PRKCA: variants seen among roughly 807,000 people sequenced by gnomAD.
PRKCA encodes the protein protein kinase C alpha type.
PRKCA carries 27 observed loss-of-function variants against 87.0 expected under a neutral mutation model. That is an observed-to-expected ratio of 0.31 (90% CI 0.23 to 0.43). The LOEUF is 0.43. PRKCA is among the 20% of genes least tolerant of loss of function. The pLI is 1.00. For missense variants in PRKCA, 518 were observed against 852.3 expected (o/e 0.61, Z 4.88); for synonymous variants, 329 against 311.1 (o/e 1.06, Z -0.61).
intron 2 of PRKCA, among the ~76,000 whole-genome samples, chr17:66,404,324 A>C (rs1010024069): frequency 6.6e-6 from 1 of 152,160 alleles, no homozygotes. Flanking sequence ...AGGAACGTCA[A>C]ATTTCAAATA....
In PRKCA at chr17:66,429,095, C is replaced by T. The variant is rs530370514; in HGVS notation, c.206-67106C>T. On this transcript the variant is annotated intron_variant, in intron 2 of 16. Coordinates refer to ENST00000413366, the MANE Select transcript of PRKCA (RefSeq NM_002737.3). ...GTGGTAGTTTTTCACGCTCTTCCGC[C>T]AGATCCAAACTTCTTGAGAGTGTGG... Among the ~76,000 whole-genome samples the T allele has an allele frequency of 7.2e-5, 11 of 152,092 alleles. No individual in the cohort carries two copies. In the South Asian group the frequency reaches 2.3e-3, roughly 32 times the overall value.
intron 3 of PRKCA, among the ~76,000 whole-genome samples, chr17:66,611,257 C>CAGTTG (rs1970355602): frequency 2.0e-5 from 3 of 152,104 alleles, no homozygotes; most frequent in African/African-American, 7.2e-5. Flanking sequence ...TTGTGTATGC[C>CAGTTG]TAGAGTTGTA....
At chr17:66,391,551 G>T (rs1036074699) in intron 2 of PRKCA, among the ~76,000 whole-genome samples, 4 of 152,120 alleles carry the variant, frequency 2.6e-5, no homozygotes, top group African/African-American at 9.7e-5. Flanking sequence ...ACACTTATTG[G>T]ATAAGAAGTT....
intron 5 of PRKCA, among the ~76,000 whole-genome samples, chr17:66,684,644 C>A (rs1972577973): frequency 6.6e-6 from 1 of 152,218 alleles, no homozygotes; most frequent in East Asian, 1.9e-4. Flanking sequence ...TAACTCATCA[C>A]CATTCCGAAG....
chr17:66,326,662 C>G (rs1443055806), intron 2 of PRKCA, among the ~76,000 whole-genome samples: 8 of 152,142 alleles, frequency 5.3e-5, no homozygotes, highest in African/African-American at 1.7e-4. Flanking sequence ...TTTGAGCTGT[C>G]AAGATCAATT....
At chr17:66,473,875 G>A (rs374987419) in intron 2 of PRKCA, among the ~76,000 whole-genome samples, 32 of 151,952 alleles carry the variant, frequency 2.1e-4, no homozygotes, top group Non-Finnish European at 3.7e-4. Flanking sequence ...CAGAGGTTGC[G>A]GTGAGCCGAG....
At chr17:66,373,124 CAATT>C (rs1376338590) in intron 2 of PRKCA, among the ~76,000 whole-genome samples, 1 of 152,020 alleles carries the variant, frequency 6.6e-6, no homozygotes, top group Non-Finnish European at 1.5e-5. Flanking sequence ...ATATACCTAA[CAATT>C]AACTATGAAA....
chr17:66,768,701 T>G (rs1399785335), intron 13 of PRKCA, among the ~76,000 whole-genome samples: 1 of 152,088 alleles, frequency 6.6e-6, no homozygotes, highest in Non-Finnish European at 1.5e-5. Context: ...AACCATCAGA[T>G]CTTGTGAGAA....
chr17:66,459,222 A>AT (rs1914723604), intron 2 of PRKCA, among the ~76,000 whole-genome samples: 1 of 151,746 alleles, frequency 6.6e-6, no homozygotes, highest in Non-Finnish European at 1.5e-5. Flanking sequence ...AAAAAAAAAA[A>AT]ATACAAAAAT....
intron 3 of PRKCA, among the ~76,000 whole-genome samples, chr17:66,589,078 T>C (rs919008578): frequency 1.3e-5 from 2 of 152,192 alleles, no homozygotes; most frequent in African/African-American, 4.8e-5. Flanking sequence ...AAGTCCCAGA[T>C]GAACGTGAAG....
intron 13 of PRKCA, among the ~76,000 whole-genome samples, chr17:66,744,734 T>C (rs530085583): frequency 3.3e-5 from 5 of 152,326 alleles, no homozygotes; most frequent in Non-Finnish European, 4.4e-5. Context: ...CTCAGATTTA[T>C]TATCATGTGG....
At position 66,707,251 on chromosome 17, in the gene PRKCA, C is replaced by A. The variant is rs1973216511; in HGVS notation, c.918+18204C>A. Among the ~76,000 whole-genome samples the A allele has an allele frequency of 2.0e-5, 3 of 152,174 alleles. No homozygotes were observed. The South Asian group carries it at 6.2e-4, about 31-fold the overall frequency. ...GTGGTTCTCTGGCCTCTTAAAATTG[C>A]CTTGACTTATGCAGTCTAAAGACTA... On this transcript the variant is annotated intron_variant, in intron 8 of 16. Transcript: ENST00000413366.
chr17:66,782,167 C>T (rs1213383183), intron 14 of PRKCA, among the ~76,000 whole-genome samples: 1 of 152,020 alleles, frequency 6.6e-6, no homozygotes, highest in Non-Finnish European at 1.5e-5. Context: ...CCACCTCGGC[C>T]TCCCAAAGTG....
At chr17:66,557,560 A>G (rs562317665) in intron 3 of PRKCA, among the ~76,000 whole-genome samples, 1 of 152,306 alleles carries the variant, frequency 6.6e-6, no homozygotes, top group South Asian at 2.1e-4. Context: ...TTGTTGGTGC[A>G]ACTGCTCTCT....
chr17:66,506,264 G>A (rs1916972577), intron 3 of PRKCA, among the ~76,000 whole-genome samples: 1 of 151,434 alleles, frequency 6.6e-6, no homozygotes, highest in African/African-American at 2.4e-5. Context: ...CCACTGCATT[G>A]CAGTCTGGGC....
chr17:66,517,853 T>C (rs1307537796), intron 3 of PRKCA, among the ~76,000 whole-genome samples: 1 of 152,210 alleles, frequency 6.6e-6, no homozygotes, highest in African/African-American at 2.4e-5. Context: ...CTTATCAGTT[T>C]ACGCATGAAA....
intron 2 of PRKCA, among the ~76,000 whole-genome samples, chr17:66,477,707 A>G (rs113018169): frequency 0.043 from 6,610 of 152,276 alleles, 216 homozygotes; most frequent in Admixed American, 0.11. Context: ...CTCAAAACAA[A>G]AAACAAACAC....
intron 2 of PRKCA, among the ~76,000 whole-genome samples, chr17:66,442,749 C>T (rs1203194708): frequency 6.6e-6 from 1 of 152,204 alleles, no homozygotes; most frequent in Non-Finnish European, 1.5e-5. Flanking sequence ...ACCCTTGAAC[C>T]CCAACCCATA....
At chr17:66,626,203 T>C (rs1377383433) in intron 3 of PRKCA, among the ~76,000 whole-genome samples, 2 of 132,710 alleles carry the variant, frequency 1.5e-5, no homozygotes, top group African/African-American at 3.5e-5. Flanking sequence ...TTTTCTTTTC[T>C]TTTTTTTTTT....
Sources: gnomAD v4.1 joint callset for allele counts (sites outside exome capture counted in the v4.1 genomes callset) on GRCh38, gnomAD v4.1.1 for gene constraint, MANE v1.5 for transcripts, NCBI Gene and HGNC (gene_info 2026-07-23, HGNC 2026-07-21) for gene names.